The following AUTS2 variants were observed in gnomAD, a reference collection of about 807,000 sequenced individuals.
AUTS2 encodes activator of transcription and developmental regulator AUTS2.
AUTS2 carries 17 observed loss-of-function variants against 112.4 expected under a neutral mutation model. The ratio of observed to expected loss-of-function variants is 0.15; its 90% CI spans 0.10 to 0.23. AUTS2 has a LOEUF of 0.23. Ranked by LOEUF, AUTS2 falls within the 10% of genes least tolerant of loss-of-function variation. The pLI, the probability that AUTS2 is intolerant of heterozygous loss-of-function variation, is 1.00. For missense variants in AUTS2, 1,510 were observed against 1,701.6 expected (o/e 0.89, Z 1.98); for synonymous variants, 751 against 702.7 (o/e 1.07, Z -1.09).
At chr7:69,678,667 T>G (rs1796672672) in intron 1 of AUTS2, among the ~76,000 whole-genome samples, 1 of 152,206 alleles carries the variant, frequency 6.6e-6, no homozygotes, top group African/African-American at 2.4e-5. Flanking sequence ...TCTCAACTTT[T>G]GTTCTTGTGG....
intron 2 of AUTS2, among the ~76,000 whole-genome samples, chr7:70,085,406 C>T (rs921120070): frequency 2.0e-5 from 3 of 150,724 alleles, no homozygotes; most frequent in East Asian, 3.9e-4. Flanking sequence ...CGCTCTGTTG[C>T]GCAGGCTGGA....
chr7:69,697,638 C>CTGA (rs1562818691), intron 1 of AUTS2, among the ~76,000 whole-genome samples: 1 of 152,202 alleles, frequency 6.6e-6, no homozygotes. Context: ...AGTTTCCTCT[C>CTGA]GTCCTTGACT....
Position 70,621,454 on chromosome 7 carries a change from T to C in AUTS2, c.691-77115T>C, listed in dbSNP as rs546702244. Reference sequence around the variant, plus strand: ...AGTACTAAGCCCAGTTCTTTCCAAATTATTTCCAGCAACTTTCGCCTCATG... The same window carrying C: ...AGTACTAAGCCCAGTTCTTTCCAAACTATTTCCAGCAACTTTCGCCTCATG... On this transcript the variant is annotated intron_variant, in intron 5 of 18. Coordinates refer to ENST00000342771, the MANE Select transcript of AUTS2 (RefSeq NM_015570.4). Among the ~76,000 whole-genome samples the C allele has an allele frequency of 4.3e-4, 65 of 152,362 alleles. 1 individual carries two copies. The South Asian group carries it at 0.013, about 31-fold the overall frequency.
chr7:70,727,407 T>A (rs1189176602), intron 6 of AUTS2, among the ~76,000 whole-genome samples: 1 of 152,192 alleles, frequency 6.6e-6, no homozygotes, highest in Non-Finnish European at 1.5e-5. Context: ...TGGAGTGCAA[T>A]GGTGCAGTCT....
chr7:69,748,573 A>G (rs1356875045), intron 1 of AUTS2, among the ~76,000 whole-genome samples: 1 of 152,202 alleles, frequency 6.6e-6, no homozygotes, highest in Non-Finnish European at 1.5e-5. Flanking sequence ...CTAGGTAGAG[A>G]TAAAAGAGAA....
At chr7:70,280,925 A>G (rs935691046) in intron 4 of AUTS2, among the ~76,000 whole-genome samples, 1 of 152,176 alleles carries the variant, frequency 6.6e-6, no homozygotes, top group African/African-American at 2.4e-5. Context: ...AAAGAAGTAT[A>G]ATAAATTTAT....
chr7:70,214,111 A>G (rs1413067456), intron 4 of AUTS2, among the ~76,000 whole-genome samples: 1 of 152,080 alleles, frequency 6.6e-6, no homozygotes, highest in Non-Finnish European at 1.5e-5. Context: ...CAGACAATAT[A>G]CTGTATTTTG....
intron 5 of AUTS2, among the ~76,000 whole-genome samples, chr7:70,696,744 A>T (rs1809133196): frequency 6.6e-6 from 1 of 152,176 alleles, no homozygotes. Context: ...TTCCCTGTTT[A>T]TGCTTTTTGC....
intron 1 of AUTS2, among the ~76,000 whole-genome samples, chr7:69,788,964 A>T (rs1264444978): frequency 4.6e-5 from 7 of 152,178 alleles, no homozygotes; most frequent in African/African-American, 1.7e-4. Flanking sequence ...AACAGGAAAC[A>T]TATCAGGTTT....
At chr7:70,256,599 T>A (rs1303609621) in intron 4 of AUTS2, among the ~76,000 whole-genome samples, 1 of 152,182 alleles carries the variant, frequency 6.6e-6, no homozygotes, top group African/African-American at 2.4e-5. Flanking sequence ...CAAGTTGGTA[T>A]TATCTGCTTG....
intron 4 of AUTS2, among the ~76,000 whole-genome samples, chr7:70,233,728 G>A (rs536239345): frequency 1.3e-5 from 2 of 152,214 alleles, no homozygotes; most frequent in South Asian, 2.1e-4. Context: ...TCCCCGTAGG[G>A]TCCTAATCAG....
At chr7:69,622,723 T>C (rs1268025558) in intron 1 of AUTS2, among the ~76,000 whole-genome samples, 1 of 152,218 alleles carries the variant, frequency 6.6e-6, no homozygotes, top group Non-Finnish European at 1.5e-5. Flanking sequence ...GATAATAACA[T>C]ATCAGCTTCC....
intron 1 of AUTS2, among the ~76,000 whole-genome samples, chr7:69,753,961 T>C (rs746827449): frequency 2.0e-5 from 3 of 152,180 alleles, no homozygotes; most frequent in Non-Finnish European, 4.4e-5. Flanking sequence ...TTTTCTGCTG[T>C]TCACATGTAG....
At chr7:70,454,878 T>G (rs1046879336) in intron 5 of AUTS2, among the ~76,000 whole-genome samples, 1 of 152,176 alleles carries the variant, frequency 6.6e-6, no homozygotes, top group African/African-American at 2.4e-5. Context: ...GTGGCAAAGA[T>G]GAAATGCAGG....
intron 1 of AUTS2, among the ~76,000 whole-genome samples, chr7:69,752,691 GAGTTCAT>G (rs1369025932): frequency 6.6e-6 from 1 of 152,132 alleles, no homozygotes; most frequent in Non-Finnish European, 1.5e-5. Flanking sequence ...GAAAATTGTC[GAGTTCAT>G]AAGAGTTCTC....
At chr7:70,236,222 A>T (rs1021207878) in intron 4 of AUTS2, among the ~76,000 whole-genome samples, 1 of 152,182 alleles carries the variant, frequency 6.6e-6, no homozygotes, top group East Asian at 1.9e-4. Context: ...TTTCTAGAAA[A>T]TTTTAAAACA....
intron 4 of AUTS2, among the ~76,000 whole-genome samples, chr7:70,388,530 TCTAGGTACAAGG>T (rs1793712576): frequency 6.6e-6 from 1 of 152,236 alleles, no homozygotes; most frequent in Admixed American, 6.5e-5. Context: ...TTTCAGTCAA[TCTAGGTACAAGG>T]CTGAGGTGAA....
chr7:70,081,267 A>G (rs1345418269), intron 2 of AUTS2, among the ~76,000 whole-genome samples: 1 of 151,936 alleles, frequency 6.6e-6, no homozygotes, highest in Non-Finnish European at 1.5e-5. Context: ...TCAGAACAAA[A>G]TGAGCTGGAC....
intron 4 of AUTS2, among the ~76,000 whole-genome samples, chr7:70,403,105 G>A (rs956974914): frequency 6.6e-6 from 1 of 152,188 alleles, no homozygotes; most frequent in Non-Finnish European, 1.5e-5. Context: ...GGATTTTACG[G>A]GAAAGGTACC....
Sources: gnomAD v4.1 joint callset for allele counts (sites outside exome capture counted in the v4.1 genomes callset) on GRCh38, gnomAD v4.1.1 for gene constraint, MANE v1.5 for transcripts, NCBI Gene and HGNC (gene_info 2026-07-23, HGNC 2026-07-21) for gene names.